GPR161: variants seen among roughly 807,000 people sequenced by gnomAD.
GPR161 encodes G protein-coupled receptor 161, also known as G-protein coupled receptor RE2.
In GPR161, 25 loss-of-function variants were observed where a neutral mutation model predicts 39.2. The observed-to-expected ratio is 0.64, with a 90% CI of 0.47 to 0.89. The LOEUF (loss-of-function observed/expected upper bound fraction) is 0.89, where lower values mean the gene tolerates loss of function less well. Among genes scored for constraint, GPR161 ranks in the 40% least tolerant of loss-of-function variants. The probability of loss-of-function intolerance (pLI) is 0.00; values close to 1 mark genes in which losing one functional copy is unlikely to be tolerated. For synonymous variants in GPR161, 286 were observed against 276.6 expected (o/e 1.03, Z -0.34); for missense variants, 547 against 677.8 (o/e 0.81, Z 2.14).
intron 1 of GPR161, among the ~76,000 whole-genome samples, chr1:168,111,631 C>A (rs924215737): frequency 5.9e-5 from 9 of 152,164 alleles, no homozygotes; most frequent in South Asian, 2.1e-4. Context: ...ATTAATAAAT[C>A]CTGAAGTCAC....
chr1:168,092,757 G>A (rs2102122830), intron 3 of GPR161, among the ~76,000 whole-genome samples: 1 of 152,328 alleles, frequency 6.6e-6, no homozygotes. Context: ...TAAATCCAAA[G>A]GCTCTGGGGT....
chr1:168,086,608 C>G (rs1054838554), intron 5 of GPR161, among the ~76,000 whole-genome samples: 2 of 152,208 alleles, frequency 1.3e-5, no homozygotes, highest in Non-Finnish European at 2.9e-5. Context: ...TGGAGGGTGC[C>G]TTTGGAGCTG....
At position 168,096,564 on chromosome 1, in the gene GPR161, G is replaced by T; in HGVS notation, c.1043C>A (p.Pro348Gln). Residue 348 changes from proline to glutamine, a missense_variant, in exon 3 of 6, where the codon CCA becomes CAA. Transcript: ENST00000682931. The stretch of plus-strand genomic sequence containing the variant: ...GGAAGTCCTCTGTCGTTGCACAAAT[G>T]GTTCCCGATAATACCGGTCCCCAAA... The part of the protein sequence containing the change: ...MCFGDRYYRE[P>Q]FVQRQRTSRL... 6.2e-7 allele frequency: 1 copy of T among 1,614,188 alleles called. No homozygotes were observed.
At chr1:168,128,139 A>G (rs1405411669) in intron 1 of GPR161, among the ~76,000 whole-genome samples, 1 of 152,178 alleles carries the variant, frequency 6.6e-6, no homozygotes, top group Non-Finnish European at 1.5e-5. Context: ...TTTGGCTCAA[A>G]ACCCCTTCCC....
At chr1:168,117,987 GAAAC>G (rs148300263) in intron 1 of GPR161, among the ~76,000 whole-genome samples, 37,570 of 151,890 alleles carry the variant, frequency 0.25, 5,191 homozygotes, top group African/African-American at 0.38. Context: ...AAAACAGAAA[GAAAC>G]AAACAAATAA....
chr1:168,121,456 T>C (rs1001826624), intron 1 of GPR161, among the ~76,000 whole-genome samples: 1 of 152,146 alleles, frequency 6.6e-6, no homozygotes, highest in African/African-American at 2.4e-5. Flanking sequence ...TCTCTCCCAG[T>C]TCTCCATCTC....
At chr1:168,125,099 G>A (rs965723954) in intron 1 of GPR161, among the ~76,000 whole-genome samples, 4 of 152,172 alleles carry the variant, frequency 2.6e-5, no homozygotes, top group Non-Finnish European at 2.9e-5. Flanking sequence ...TACTTTCTCC[G>A]TAATTTCTTT....
chr1:168,090,454 G>C, intron 4 of GPR161, 110 bp downstream of exon 4: 1 of 588,078 alleles, frequency 1.7e-6, no homozygotes, highest in Non-Finnish European at 3.1e-6. Flanking sequence ...CCCACCGTGG[G>C]AAATGCCCCT....
In GPR161 at chr1:168,084,767, AT is replaced by A. The variant is rs111490882; in HGVS notation, c.*763del. Reference sequence around the variant, plus strand: ...TAAAACAGTGGTACGTCTTAAATGGATTTTTTTTTTAATTCTGGAAATGAAA... The same window carrying A: ...TAAAACAGTGGTACGTCTTAAATGGATTTTTTTTTAATTCTGGAAATGAAA... On this transcript the variant is annotated 3_prime_UTR_variant, in exon 6 of 6. Coordinates refer to ENST00000682931, the MANE Select transcript of GPR161 (RefSeq NM_001375883.1). 1.3e-3 allele frequency: 545 copies of A among 424,768 alleles called. No homozygotes were observed. The highest frequency in any genetic ancestry group is 2.7e-3 in the Admixed American group (106 of 38,906). 26.3% of individuals were successfully genotyped at this position (424,768 alleles called of 1,614,324 possible).
chr1:168,103,652 C>A (rs1696320879), intron 2 of GPR161, among the ~76,000 whole-genome samples: 1 of 152,190 alleles, frequency 6.6e-6, no homozygotes, highest in Non-Finnish European at 1.5e-5. Flanking sequence ...CTGGCTAGCC[C>A]CACTCTGTGT....
chr1:168,097,500 G>A (rs1296657525), intron 2 of GPR161, among the ~76,000 whole-genome samples: 1 of 152,106 alleles, frequency 6.6e-6, no homozygotes, highest in South Asian at 2.1e-4. Context: ...CATATTTGGG[G>A]GTGTGGCCAG....
In GPR161 at chr1:168,136,576, G is replaced by C. The variant is rs542340620; in HGVS notation, c.-45+163C>G. 3.2e-6 allele frequency: 4 copies of C among 1,241,428 alleles called. No homozygotes were observed. The East Asian group carries it at 9.5e-5, about 29-fold the overall frequency. 76.9% of individuals were successfully genotyped at this position (1,241,428 alleles called of 1,614,324 possible). A position where few individuals can be genotyped will look rare whatever the true frequency, so the allele number is the denominator to read the frequency against. Reference sequence around the variant, plus strand: ...CGCAGTGCGGGCGGAGGACAGCCCTGACCTCCGAGAGGGGCGCGGGGAGAA... The same window carrying C: ...CGCAGTGCGGGCGGAGGACAGCCCTCACCTCCGAGAGGGGCGCGGGGAGAA... On this transcript the variant is annotated intron_variant, in intron 1 of 5. Coordinates refer to ENST00000682931, the MANE Select transcript of GPR161 (RefSeq NM_001375883.1).
chr1:168,093,248 C>T (rs527838002), intron 3 of GPR161, among the ~76,000 whole-genome samples: 3 of 152,220 alleles, frequency 2.0e-5, no homozygotes, highest in South Asian at 2.1e-4. Flanking sequence ...TGACCTTCCC[C>T]GTGGGAATTG....
In GPR161 at chr1:168,096,595, T is replaced by C. The variant is rs200372731; in HGVS notation, c.1012A>G (p.Met338Val). ...NKTVRKELLGMCFGDRYYREP... is the reference protein window; with the variant it reads ...NKTVRKELLGVCFGDRYYREP... ...CGATAATACCGGTCCCCAAAGCACA[T>C]GCCCAGTAGTTCTTTGCGAACTGTC... Residue 338 changes from methionine to valine, a missense_variant, in exon 3 of 6, where the codon ATG becomes GTG. Met to Val is a conservative substitution (Grantham distance 21). Transcript: ENST00000682931. 1 of 1,614,180 alleles carries C rather than the reference T, an allele frequency of 6.2e-7. No homozygotes were observed. The highest frequency in any genetic ancestry group is 2.2e-5 in the East Asian group (1 of 44,888).
Position 168,081,117 on chromosome 1 carries a change from A to T in GPR161, c.*4414T>A, listed in dbSNP as rs1378527167. On this transcript the variant is annotated 3_prime_UTR_variant, in exon 6 of 6. Coordinates refer to ENST00000682931, the MANE Select transcript of GPR161 (RefSeq NM_001375883.1). Reference sequence around the variant, plus strand: ...GACCTCAGGTGATCTGCCCATCTCGACCCCCCAAAGTGCTGGGATTACAGG... The same window carrying T: ...GACCTCAGGTGATCTGCCCATCTCGTCCCCCCAAAGTGCTGGGATTACAGG... 1 of 150,616 alleles carries T rather than the reference A, an allele frequency of 6.6e-6. No homozygotes were observed. Among genetic ancestry groups the T allele is most frequent in the African/African-American group, 2.4e-5 (1 of 40,846 alleles). 9.3% of individuals were successfully genotyped at this position (150,616 alleles called of 1,614,324 possible).
At chr1:168,131,020 T>C (rs1252439915) in intron 1 of GPR161, among the ~76,000 whole-genome samples, 1 of 152,190 alleles carries the variant, frequency 6.6e-6, no homozygotes, top group Non-Finnish European at 1.5e-5. Flanking sequence ...TGGATTTCCA[T>C]ACTGACTCTC....
chr1:168,104,812 CA>C lies in GPR161; in HGVS notation c.38del (p.Leu13ArgfsTer57). On this transcript the variant is annotated frameshift_variant, in exon 2 of 6. Transcript: ENST00000682931. LOFTEE classifies it high-confidence loss of function. ...LNSSLSCRKELSNLTEEEGGE... is the reference protein window; with the variant it reads ...LNSSLSCRKEXSNLTEEEGGE... ...CACCCTCCTCCTCAGTGAGATTACT[CA>C]GCTCCTTCCTGCAGCTGAGGGAGGA... The C allele has an allele frequency of 3.1e-6, 5 of 1,613,972 alleles. No homozygotes were observed. Among genetic ancestry groups the C allele is most frequent in the Non-Finnish European group, 4.2e-6 (5 of 1,179,928 alleles).
intron 4 of GPR161, chr1:168,089,162 C>T (rs981317679): frequency 2.0e-4 from 30 of 152,194 alleles, no homozygotes; most frequent in African/African-American, 7.2e-4. Context: ...GGCACAGGGT[C>T]CGGCCAAGGC....
At chr1:168,109,732 C>T (rs1003691764) in intron 1 of GPR161, among the ~76,000 whole-genome samples, 24 of 152,078 alleles carry the variant, frequency 1.6e-4, no homozygotes, top group African/African-American at 5.6e-4. Context: ...TTTGGGAGGC[C>T]GAGGCGGATG....
Sources: gnomAD v4.1 joint callset for allele counts (sites outside exome capture counted in the v4.1 genomes callset) on GRCh38, gnomAD v4.1.1 for gene constraint, MANE v1.5 for transcripts, NCBI Gene and HGNC (gene_info 2026-07-23, HGNC 2026-07-21) for gene names.